Variants in GALNT18 observed in about 807,000 individuals in gnomAD.
The protein encoded by GALNT18 is polypeptide N-acetylgalactosaminyltransferase 18, also known as GalNAc-transferase 18.
GALNT18 carries 44 observed loss-of-function variants against 69.5 expected under a neutral mutation model. The observed-to-expected ratio is 0.63, with a 90% CI of 0.50 to 0.81. The LOEUF (loss-of-function observed/expected upper bound fraction) is 0.81. Among genes scored for constraint, GALNT18 ranks in the 40% least tolerant of loss-of-function variants. The pLI, the probability that GALNT18 is intolerant of heterozygous loss-of-function variation, is 0.00. For synonymous variants in GALNT18, 364 were observed against 318.2 expected, an observed-to-expected ratio of 1.14 and a Z score of -1.53; for missense variants, 715 against 810.0, an observed-to-expected ratio of 0.88 and a Z score of 1.42.
At chr11:11,534,984 G>T (rs936730284) in intron 1 of GALNT18, among the ~76,000 whole-genome samples, 1 of 152,230 alleles carries the variant, frequency 6.6e-6, no homozygotes, top group Non-Finnish European at 1.5e-5. Context: ...ACCTTGTTCG[G>T]GTCCTGGCTC....
rs75749773 is a variant in GALNT18, at chr11:11,595,802, G to A, written c.235+25557C>T. On this transcript the variant is annotated intron_variant, in intron 1 of 10. Coordinates refer to ENST00000227756, the MANE Select transcript of GALNT18 (RefSeq NM_198516.3). The surrounding 1 kb of genome is among the most constrained non-coding windows in gnomAD (Gnocchi z 5.2). ...GATATTAACCCCTTACCAGATAAAT[G>A]ACTCCCAAATATTTTCCCCAATTCA... is the stretch of plus-strand genomic sequence containing the variant. Among the ~76,000 whole-genome samples, 3,532 of 152,208 alleles carry A rather than the reference G, an allele frequency of 0.023. 149 individuals carry two copies. The highest frequency in any genetic ancestry group is 0.081 in the African/African-American group (3,359 of 41,520).
In GALNT18 at chr11:11,606,388, G is replaced by A. The variant is rs574484923; in HGVS notation, c.235+14971C>T. On this transcript the variant is annotated intron_variant, in intron 1 of 10. Coordinates refer to ENST00000227756, the MANE Select transcript of GALNT18 (RefSeq NM_198516.3). The surrounding 1 kb of genome is among the most constrained non-coding windows in gnomAD (Gnocchi z 5.4). The stretch of plus-strand genomic sequence containing the variant: ...GTAAAATGGGGCTAATTATCTCACA[G>A]CCTTATTTTAAGGATTAAATAATAT... Among the ~76,000 whole-genome samples the A allele has an allele frequency of 2.0e-4, 31 of 152,310 alleles. No individual in the cohort carries two copies. The East Asian group carries it at 6.0e-3, about 29-fold the overall frequency.
At chr11:11,462,760 T>A (rs994620110) in intron 1 of GALNT18, among the ~76,000 whole-genome samples, 2 of 152,144 alleles carry the variant, frequency 1.3e-5, no homozygotes, top group Non-Finnish European at 2.9e-5. Context: ...TGGAACCACC[T>A]GAAGTCACAC....
chr11:11,342,805 G>A (rs1850233113), intron 6 of GALNT18, among the ~76,000 whole-genome samples: 1 of 152,126 alleles, frequency 6.6e-6, no homozygotes. Context: ...TGTGACCTTG[G>A]GCAAGCCACT....
intron 9 of GALNT18, among the ~76,000 whole-genome samples, chr11:11,299,650 C>T (rs1403042687): frequency 1.3e-5 from 2 of 152,240 alleles, no homozygotes; most frequent in Non-Finnish European, 2.9e-5. Flanking sequence ...GCCATTATCT[C>T]ATTCCTGTTC....
In GALNT18 at chr11:11,327,127, T is replaced by A; in HGVS notation, c.1471A>T (p.Asn491Tyr). ...TGGCAGATGTACATGATGGGGACATTCTCTGTATCTGGCCCCTGGTCAAGA... is the reference window on the plus strand; with the variant it reads ...TGGCAGATGTACATGATGGGGACATACTCTGTATCTGGCCCCTGGTCAAGA... The part of the protein sequence containing the change: ...LCLDQGPDTE[N>Y]VPIMYICHGM... The change falls in exon 9 of 11, where the codon AAT becomes TAT. Residue 491 changes from asparagine to tyrosine, a missense_variant. Physicochemically the swap from Asn to Tyr is moderately radical, Grantham distance 143. Coordinates refer to ENST00000227756, the MANE Select transcript of GALNT18 (RefSeq NM_198516.3). 1 of 1,614,006 alleles carries A rather than the reference T, an allele frequency of 6.2e-7. No homozygotes were observed. Among genetic ancestry groups the A allele is most frequent in the East Asian group, 2.2e-5 (1 of 44,874 alleles).
chr11:11,452,002 C>G (rs1011947710), intron 1 of GALNT18, among the ~76,000 whole-genome samples: 1 of 152,164 alleles, frequency 6.6e-6, no homozygotes, highest in Admixed American at 6.5e-5. Flanking sequence ...CTCTTTGGAG[C>G]TGAAGAGCAG....
At chr11:11,552,430 G>A (rs891163878) in intron 1 of GALNT18, among the ~76,000 whole-genome samples, 1 of 152,226 alleles carries the variant, frequency 6.6e-6, no homozygotes, top group Non-Finnish European at 1.5e-5. Flanking sequence ...TGGAAGGCAG[G>A]CCCTGGTTTG....
chr11:11,400,352 T>C (rs1564929793), intron 3 of GALNT18, among the ~76,000 whole-genome samples: 2 of 152,222 alleles, frequency 1.3e-5, no homozygotes, highest in East Asian at 1.9e-4. Context: ...ATTTGTTACA[T>C]GGCAATAGAT....
At chr11:11,353,310 A>G (rs1242372868) in intron 6 of GALNT18, 6 of 662,826 alleles carry the variant, frequency 9.1e-6, no homozygotes, top group East Asian at 5.5e-5. Flanking sequence ...GTGGGGAGCA[A>G]TTTTCTAAAA....
At chr11:11,575,663 T>G (rs1858907945) in intron 1 of GALNT18, among the ~76,000 whole-genome samples, 1 of 152,230 alleles carries the variant, frequency 6.6e-6, no homozygotes, top group Non-Finnish European at 1.5e-5. Context: ...TCCATGAGGA[T>G]GTAAGCTGCT....
In GALNT18 at chr11:11,408,602, A is replaced by T. The variant is rs1854649350; in HGVS notation, c.595+24019T>A. On this transcript the variant is annotated intron_variant, in intron 3 of 10. Coordinates refer to ENST00000227756, the MANE Select transcript of GALNT18 (RefSeq NM_198516.3). ...TCTCCCACTTAAACAAATGTTTCTT[A>T]TATAAAGGAAAAGAGGCTGCCCCCT... 2.0e-5 allele frequency among the ~76,000 whole-genome samples: 3 copies of T among 151,996 alleles called. No homozygotes were observed. The South Asian group carries it at 6.2e-4, about 32-fold the overall frequency.
At chr11:11,381,911 C>A (rs927591309) in intron 3 of GALNT18, among the ~76,000 whole-genome samples, 2 of 152,216 alleles carry the variant, frequency 1.3e-5, no homozygotes, top group African/African-American at 4.8e-5. Context: ...GTTTGTTATA[C>A]ACAATGGCTG....
At chr11:11,279,040 G>A (rs1055180698) in intron 10 of GALNT18, among the ~76,000 whole-genome samples, 1 of 152,180 alleles carries the variant, frequency 6.6e-6, no homozygotes, top group African/African-American at 2.4e-5. Flanking sequence ...GGTTGCAGGT[G>A]GGGCCGGATC....
intron 6 of GALNT18, among the ~76,000 whole-genome samples, chr11:11,366,669 A>G (rs900511374): frequency 2.0e-5 from 3 of 152,084 alleles, no homozygotes; most frequent in Admixed American, 6.5e-5. Context: ...AGGTACTGCC[A>G]TTGTTATTTA....
At position 11,430,413 on chromosome 11, in the gene GALNT18, C is replaced by G. The variant is rs1312343984; in HGVS notation, c.595+2208G>C. Among the ~76,000 whole-genome samples the G allele has an allele frequency of 6.6e-6, 1 of 152,200 alleles. No individual in the cohort carries two copies. The highest frequency in any genetic ancestry group is 1.5e-5 in the Non-Finnish European group (1 of 68,040). ...TTGTTCGGATCTCTCCTTACATAGG[C>G]AGGCACTGGTTTGGGTGTGCATATA... On this transcript the variant is annotated intron_variant, in intron 3 of 10. Coordinates refer to ENST00000227756, the MANE Select transcript of GALNT18 (RefSeq NM_198516.3). The surrounding 1 kb of genome is among the most constrained non-coding windows in gnomAD (Gnocchi z 4.9).
chr11:11,290,610 C>T (rs1235904608), intron 10 of GALNT18, among the ~76,000 whole-genome samples: 1 of 152,208 alleles, frequency 6.6e-6, no homozygotes, highest in Non-Finnish European at 1.5e-5. Context: ...TTTCCTCTCC[C>T]TGGAATGCCC....
In GALNT18 at chr11:11,421,520, G is replaced by A. The variant is rs1855004091; in HGVS notation, c.595+11101C>T. 6.6e-6 allele frequency among the ~76,000 whole-genome samples: 1 copy of A among 152,134 alleles called. No individual in the cohort carries two copies. Among genetic ancestry groups the A allele is most frequent in the South Asian group, 2.1e-4 (1 of 4,822 alleles). ...GACCAGGGCTAGCTGGGAAGCTGGG[G>A]CCCAGCTAAGGGGATGAGGCAGGCA... On this transcript the variant is annotated intron_variant, in intron 3 of 10. Coordinates refer to ENST00000227756, the MANE Select transcript of GALNT18 (RefSeq NM_198516.3). This position sits in a 1 kb window ranked among gnomAD's most constrained non-coding sequence, Gnocchi z 5.6.
At chr11:11,385,603 A>G (rs1854038267) in intron 3 of GALNT18, among the ~76,000 whole-genome samples, 1 of 152,000 alleles carries the variant, frequency 6.6e-6, no homozygotes, top group Non-Finnish European at 1.5e-5. Context: ...CCTATTGGGG[A>G]TCAAATTTTA....
Sources: allele counts gnomAD v4.1 joint callset (sites outside exome capture counted in the v4.1 genomes callset), GRCh38; gene constraint gnomAD v4.1.1; non-coding constraint Gnocchi (gnomAD v3.1); transcripts MANE v1.5; gene names NCBI Gene and HGNC (gene_info 2026-07-23, HGNC 2026-07-21).